Variants in ASIC4 observed in about 807,000 individuals in gnomAD.
The protein encoded by ASIC4 is acid-sensing ion channel 4.
A neutral mutation model predicts 53.4 loss-of-function variants in ASIC4; 28 were observed. The observed-to-expected ratio is 0.52, with a 90% CI of 0.39 to 0.72. The LOEUF (loss-of-function observed/expected upper bound fraction) is 0.72. ASIC4 is among the 30% of genes least tolerant of loss of function. ASIC4 has a pLI of 0.00. For synonymous variants in ASIC4, 289 were observed against 301.4 expected (o/e 0.96, Z 0.43); for missense variants, 649 against 729.7 (o/e 0.89, Z 1.27).
In ASIC4 at chr2:219,531,889, C is replaced by T. The variant is rs1574493754; in HGVS notation, c.714C>T (p.Ile238=). ...TCCAGCAGGAGGAGTACCTGCCCATCTGGAGGGAGACAAGTACGCAGGCCG... is the reference window on the plus strand; with the variant it reads ...TCCAGCAGGAGGAGTACCTGCCCATTTGGAGGGAGACAAGTACGCAGGCCG... The part of the protein sequence containing the change: ...LDIQQEEYLP[I]WRETNETSFE... The change falls in exon 2 of 10, where the codon ATC becomes ATT. Residue 238 remains isoleucine (I), a synonymous_variant. Transcript: ENST00000358078. The T allele has an allele frequency of 6.2e-7, 1 of 1,611,540 alleles. No individual in the cohort carries two copies. The highest frequency in any genetic ancestry group is 8.5e-7 in the Non-Finnish European group (1 of 1,178,442).
chr2:219,520,097 C>G (rs957381180), intron 1 of ASIC4, among the ~76,000 whole-genome samples: 4 of 152,068 alleles, frequency 2.6e-5, no homozygotes, highest in Non-Finnish European at 5.9e-5. Context: ...CCCGGGGGGC[C>G]AGGAGCCTGG....
chr2:219,511,208 G>T (rs1694697013), upstream of ASIC4, among the ~76,000 whole-genome samples: 1 of 152,152 alleles, frequency 6.6e-6, no homozygotes, highest in Non-Finnish European at 1.5e-5. This position sits in a 1 kb window ranked among gnomAD's most constrained non-coding sequence, Gnocchi z 5.3. Flanking sequence ...AGGAATCTGG[G>T]CATCAGCTTG....
chr2:219,537,238 C>T lies in ASIC4; in HGVS notation c.1322-4C>T, dbSNP rs1016962510. On this transcript the variant is annotated splice_region_variant and splice_polypyrimidine_tract_variant and intron_variant, in intron 7 of 9. Transcript: ENST00000358078. The surrounding 1 kb of genome is among the most constrained non-coding windows in gnomAD (Gnocchi z 4.9). ...CCCTCTGACACTGCTCTCCTGCTTC[C>T]CAGGAGACCTCGGGGGACAGATGGG... The T allele has an allele frequency of 6.2e-7, 1 of 1,613,376 alleles. No individual in the cohort carries two copies. Among genetic ancestry groups the T allele is most frequent in the Non-Finnish European group, 8.5e-7 (1 of 1,179,560 alleles).
At position 219,537,101 on chromosome 2, in the gene ASIC4, C is replaced by T; in HGVS notation, c.1265C>T (p.Ala422Val). 6.2e-7 allele frequency: 1 copy of T among 1,614,160 alleles called. No individual in the cohort carries two copies. Among genetic ancestry groups the T allele is most frequent in the Non-Finnish European group, 8.5e-7 (1 of 1,180,020 alleles). ...CTGGTCCTAGATGTCTTCTTTGAGGCCCTGACCTCTGAAGCCATGGAGCAG... is the reference window on the plus strand; with the variant it reads ...CTGGTCCTAGATGTCTTCTTTGAGGTCCTGACCTCTGAAGCCATGGAGCAG... Reference protein sequence around the residue: ...NFLVLDVFFEALTSEAMEQRA... With the variant: ...NFLVLDVFFEVLTSEAMEQRA... The change falls in exon 7 of 10, where the codon GCC becomes GTC. Residue 422 changes from alanine to valine, a missense_variant. By Grantham distance (64) the Ala-to-Val change is moderately conservative (BLOSUM62 0). Transcript: ENST00000358078. The surrounding 1 kb of genome is among the most constrained non-coding windows in gnomAD (Gnocchi z 4.9).
At chr2:219,532,186 G>T (rs544029545) in intron 3 of ASIC4, 58 bp downstream of exon 3, 1 of 1,608,184 alleles carries the variant, frequency 6.2e-7, no homozygotes, top group African/African-American at 1.3e-5. Flanking sequence ...GGGCTCAGAG[G>T]GGATGTGGAG....
intron 6 of ASIC4, among the ~76,000 whole-genome samples, chr2:219,535,602 GGTAT>G (rs1695124105): frequency 6.6e-6 from 1 of 151,352 alleles, no homozygotes; most frequent in Admixed American, 6.6e-5. Context: ...TCTGTGAATG[GGTAT>G]GTGTGTGAGA....
At chr2:219,519,294 G>A (rs991104223) in intron 1 of ASIC4, among the ~76,000 whole-genome samples, 5 of 152,312 alleles carry the variant, frequency 3.3e-5, no homozygotes, top group Admixed American at 1.3e-4. Context: ...CTGTGTAAGC[G>A]TCAGCTGTTA....
intron 1 of ASIC4, among the ~76,000 whole-genome samples, chr2:219,521,157 G>A (rs760926968): frequency 1.2e-4 from 19 of 152,150 alleles, no homozygotes; most frequent in Admixed American, 2.0e-4. Flanking sequence ...GGTGTGGCCT[G>A]GCAGGGAAGG....
At position 219,537,144 on chromosome 2, in the gene ASIC4, G is replaced by C; in HGVS notation, c.1308G>C (p.Leu436=). 3.7e-6 allele frequency: 6 copies of C among 1,614,060 alleles called. No individual in the cohort carries two copies. The South Asian group carries it at 5.5e-5, about 15-fold the overall frequency. ...EAMEQRAAYG[L]SALLGDLGGQ... ...TGGAGCAGCGAGCAGCCTATGGCCT[G>C]TCAGCCCTGCTGGGTGAGACTGGTG... The change falls in exon 7 of 10, where the codon CTG becomes CTC. Residue 436 remains leucine, a synonymous_variant. Transcript: ENST00000358078. The surrounding 1 kb of genome is among the most constrained non-coding windows in gnomAD (Gnocchi z 4.9).
chr2:219,538,117 C>G lies in ASIC4; in HGVS notation c.*71C>G. ...GGGATCCCCAGCACATTCTCCTGCT[C>G]CTGGGAGAGGCCTGGGGGCGGTGCT... On this transcript the variant is annotated 3_prime_UTR_variant, in exon 10 of 10. Transcript: ENST00000358078. 1.5e-6 allele frequency: 2 copies of G among 1,309,746 alleles called. No individual in the cohort carries two copies. Among genetic ancestry groups the G allele is most frequent in the Admixed American group, 3.9e-5 (2 of 50,870 alleles). 81.1% of individuals were successfully genotyped at this position (1,309,746 alleles called of 1,614,324 possible). A position where few individuals can be genotyped will look rare whatever the true frequency, so the allele number is the denominator to read the frequency against.
chr2:219,533,058 G>T, intron 5 of ASIC4, 119 bp downstream of exon 5: 1 of 1,156,482 alleles, frequency 8.6e-7, no homozygotes. Context: ...TCTTCCTGGG[G>T]GTTGAGCCTT....
upstream of ASIC4, among the ~76,000 whole-genome samples, chr2:219,509,866 T>A (rs1694678046): frequency 6.6e-6 from 1 of 152,100 alleles, no homozygotes; most frequent in Non-Finnish European, 1.5e-5. The surrounding 1 kb of genome is among the most constrained non-coding windows in gnomAD (Gnocchi z 5.2). Context: ...AAGGGGGTGC[T>A]GTGTGTTCTC....
chr2:219,538,326 G>C lies in ASIC4; in HGVS notation c.*280G>C. ...AGGAAGGAGAGGGAGGGGGAGGATAGAGCCCATCCCAGCCGGGGAGGGGGA... is the reference window on the plus strand; with the variant it reads ...AGGAAGGAGAGGGAGGGGGAGGATACAGCCCATCCCAGCCGGGGAGGGGGA... On this transcript the variant is annotated 3_prime_UTR_variant, in exon 10 of 10. Transcript: ENST00000358078. The C allele has an allele frequency of 2.5e-6, 1 of 394,298 alleles. No homozygotes were observed. The highest frequency in any genetic ancestry group is 4.6e-6 in the Non-Finnish European group (1 of 217,570). The allele number at this position is 394,298 out of a possible 1,614,324, so 24.4% of individuals were successfully genotyped here.
At chr2:219,507,777 G>A in the ASIC4 span, among the ~76,000 whole-genome samples, 1 of 152,144 alleles carries the variant, frequency 6.6e-6, no homozygotes, top group African/African-American at 2.4e-5. Flanking sequence ...GAAGAGAATG[G>A]GGGGTGCAGG....
At chr2:219,511,763 T>G (rs1171394591), upstream of ASIC4, among the ~76,000 whole-genome samples, 246 of 86,624 alleles carry the variant, frequency 2.8e-3, no homozygotes, top group Middle Eastern at 4.5e-3. The surrounding 1 kb of genome is among the most constrained non-coding windows in gnomAD (Gnocchi z 5.3). Context: ...AGGGCCGGGG[T>G]GGGGGTGGGG....
At position 219,516,408 on chromosome 2, in the gene ASIC4, G is replaced by A. The variant is rs79585435; in HGVS notation, c.582+1102G>A. 0.014 allele frequency among the ~76,000 whole-genome samples: 2,146 copies of A among 152,068 alleles called. 34 individuals are homozygous for A. Among genetic ancestry groups the A allele is most frequent in the African/African-American group, 0.036 (1,480 of 41,450 alleles). On this transcript the variant is annotated intron_variant, in intron 1 of 9. Transcript: ENST00000358078. The surrounding 1 kb of genome is among the most constrained non-coding windows in gnomAD (Gnocchi z 4.9). ...GAGCTTGGGCTGCTCTGCCATGCAC[G>A]CCTCCCACAGTCAGGTATGTGAGGG...
chr2:219,529,114 AT>A (rs1372232218), intron 1 of ASIC4, among the ~76,000 whole-genome samples: 2 of 152,226 alleles, frequency 1.3e-5, no homozygotes, highest in African/African-American at 2.4e-5. Context: ...AACCAGTTGA[AT>A]TCTCTGAGCC....
chr2:219,533,194 T>C, intron 5 of ASIC4: 1 of 565,630 alleles, frequency 1.8e-6, no homozygotes, highest in Non-Finnish European at 3.2e-6. Context: ...GGTCTGGGCT[T>C]CTCATCTTGG....
rs1694762124 is a variant in ASIC4, at chr2:219,515,056, G to A, written c.332G>A (p.Gly111Asp). 2.5e-6 allele frequency: 4 copies of A among 1,613,408 alleles called. No individual in the cohort carries two copies. The highest frequency in any genetic ancestry group is 3.4e-6 in the Non-Finnish European group (4 of 1,179,972). ...CCCGCTGCCCCAGCCCCAGTGGCGG[G>A]CTTCCCGGCTGTCACCCTCTGCAAT... The part of the protein sequence containing the change: ...MDPAAPAPVA[G>D]FPAVTLCNIN... Residue 111 changes from glycine (G) to aspartate (D), a missense_variant, in exon 1 of 10, where the codon GGC (glycine) becomes GAC (aspartate). By Grantham distance (94) the Gly-to-Asp change is moderately conservative (BLOSUM62 -1). Transcript: ENST00000358078.
Sources: gnomAD v4.1 joint callset for allele counts (sites outside exome capture counted in the v4.1 genomes callset) on GRCh38, gnomAD v4.1.1 for gene constraint, Gnocchi (gnomAD v3.1) non-coding constraint, MANE v1.5 for transcripts, NCBI Gene and HGNC (gene_info 2026-07-23, HGNC 2026-07-21) for gene names.